Variants in FAM131B observed in about 807,000 individuals in gnomAD.
FAM131B encodes the protein protein FAM131B.
FAM131B carries 19 observed loss-of-function variants against 42.0 expected under a neutral mutation model. That is an observed-to-expected ratio of 0.45 (90% CI 0.32 to 0.66). FAM131B has a LOEUF of 0.66. FAM131B is among the 30% of genes least tolerant of loss of function. The probability of loss-of-function intolerance (pLI) is 0.05; values close to 1 mark genes in which losing one functional copy is unlikely to be tolerated. For missense variants in FAM131B, 370 were observed against 468.4 expected (o/e 0.79, Z 1.94); for synonymous variants, 183 against 177.6 (o/e 1.03, Z -0.24).
the FAM131B span, among the ~76,000 whole-genome samples, chr7:143,368,951 CTA>C: frequency 6.6e-6 from 1 of 152,158 alleles, no homozygotes; most frequent in African/African-American, 2.4e-5. Context: ...CTCCAGTTGG[CTA>C]TGTCTTTATT....
the FAM131B span, among the ~76,000 whole-genome samples, chr7:143,376,165 G>A: frequency 0.14 from 21,460 of 152,138 alleles, 1,840 homozygotes; most frequent in East Asian, 0.28. Context: ...CTTCTGATCC[G>A]GTGGGATAAT....
At chr7:143,370,542 A>G in the FAM131B span, among the ~76,000 whole-genome samples, 23 of 152,340 alleles carry the variant, frequency 1.5e-4, no homozygotes, top group African/African-American at 5.5e-4. Flanking sequence ...GCAGTAAAGA[A>G]GCTGACTAAA....
upstream of FAM131B, among the ~76,000 whole-genome samples, chr7:143,365,173 C>A (rs1586546183): frequency 6.6e-6 from 1 of 152,140 alleles, no homozygotes; most frequent in Non-Finnish European, 1.5e-5. Flanking sequence ...AATGTAAATT[C>A]CTAAAACCAC....
In FAM131B at chr7:143,356,294, A is replaced by T; in HGVS notation, c.*256T>A. ...GCACAGACCCAGAAGCCCACAGCCC[A>T]GGTCCTTCTCCACAGCCACACCAAG... On this transcript the variant is annotated 3_prime_UTR_variant, in exon 7 of 7. Coordinates refer to ENST00000443739, the MANE Select transcript of FAM131B (RefSeq NM_001031690.3). The surrounding 1 kb of genome is among the most constrained non-coding windows in gnomAD (Gnocchi z 4.4). The T allele has an allele frequency of 1.9e-6, 1 of 512,924 alleles. No individual in the cohort carries two copies. The highest frequency in any genetic ancestry group is 3.5e-6 in the Non-Finnish European group (1 of 286,162). The allele number at this position is 512,924 out of a possible 1,614,324, so 31.8% of individuals were successfully genotyped here.
chr7:143,382,090 T>C, the FAM131B span: 3 of 660,632 alleles, frequency 4.5e-6, no homozygotes, highest in Admixed American at 3.2e-5. Flanking sequence ...TTTCCTGACC[T>C]GGTACTCCCA....
At chr7:143,373,403 A>G in the FAM131B span, among the ~76,000 whole-genome samples, 3 of 152,208 alleles carry the variant, frequency 2.0e-5, no homozygotes, top group African/African-American at 7.2e-5. Context: ...ACCCAGGGCA[A>G]CAGATGACTA....
the FAM131B span, among the ~76,000 whole-genome samples, chr7:143,370,946 C>T: frequency 2.0e-5 from 3 of 152,136 alleles, no homozygotes; most frequent in Admixed American, 2.0e-4. Context: ...CATTTCTAAC[C>T]TTAAGTGGCA....
upstream of FAM131B, chr7:143,362,900 G>T (rs565052429): frequency 6.6e-6 from 1 of 151,228 alleles, no homozygotes; most frequent in Non-Finnish European, 1.5e-5. The surrounding 1 kb of genome is among the most constrained non-coding windows in gnomAD (Gnocchi z 7.7). Context: ...GTGCCGGGGC[G>T]CTCCCTCGGG....
rs1485878718 is a variant in FAM131B at position 143,354,560 on chromosome 7, G to C, written c.*1990C>G. ...ACCCCAGAGCCTGCAGCAGGAGACG[G>C]GTGGGGAATAGCTGCCAGGGCGGGC... On this transcript the variant is annotated 3_prime_UTR_variant, in exon 7 of 7. Transcript: ENST00000443739. 10 of 152,310 alleles carry C rather than the reference G, an allele frequency of 6.6e-5. No homozygotes were observed. The highest frequency in any genetic ancestry group is 2.4e-4 in the African/African-American group (10 of 41,534). The allele number at this position is 152,310 out of a possible 1,614,324, so 9.4% of individuals were successfully genotyped here.
chr7:143,362,103 T>A lies in FAM131B; in HGVS notation c.28+473A>T. The A allele has an allele frequency of 1.0e-6, 1 of 955,798 alleles. No homozygotes were observed. The highest frequency in any genetic ancestry group is 1.2e-6 in the Non-Finnish European group (1 of 803,186). The allele number at this position is 955,798 out of a possible 1,614,324, so 59.2% of individuals were successfully genotyped here. On this transcript the variant is annotated intron_variant, in intron 1 of 6. Coordinates refer to ENST00000443739, the MANE Select transcript of FAM131B (RefSeq NM_001031690.3). This position sits in a 1 kb window ranked among gnomAD's most constrained non-coding sequence, Gnocchi z 7.7. Reference sequence around the variant, plus strand: ...GATGGGGCAAAGCACCCGAGCCAGATGGAGGCGGCGGCGGGGGGTGGCGTG... The same window carrying A: ...GATGGGGCAAAGCACCCGAGCCAGAAGGAGGCGGCGGCGGGGGGTGGCGTG...
the FAM131B span, chr7:143,381,696 G>T: frequency 6.2e-7 from 1 of 1,606,508 alleles, no homozygotes; most frequent in Non-Finnish European, 8.5e-7. Context: ...TTCCGGCCCG[G>T]GGACAGCGAG....
At chr7:143,360,471 T>C (rs1803908841) in intron 1 of FAM131B, 4 of 1,121,872 alleles carry the variant, frequency 3.6e-6, no homozygotes, top group Non-Finnish European at 4.5e-6. Flanking sequence ...GTATGGGAGC[T>C]GGGCTTTTTC....
rs376054232 is a variant in FAM131B at position 143,359,366 on chromosome 7, G to A, written c.228C>T (p.Asn76=). 9.3e-6 allele frequency: 15 copies of A among 1,613,686 alleles called. No individual in the cohort carries two copies. Among genetic ancestry groups the A allele is most frequent in the African/African-American group, 8.0e-5 (6 of 74,912 alleles). The part of the protein sequence containing the change: ...SILPKLKRNS[N]AYGIGALAKS... ...TGGCCAGGGCCCCAATGCCATAGGC[G>A]TTAGAGTTTCGCTTAAGCTTCGGAA... The change falls in exon 4 of 7, where the codon AAC becomes AAT. Residue 76 remains asparagine, a synonymous_variant. Transcript: ENST00000443739. The surrounding 1 kb of genome is among the most constrained non-coding windows in gnomAD (Gnocchi z 5.4).
upstream of FAM131B, among the ~76,000 whole-genome samples, chr7:143,364,806 G>A (rs1402726011): frequency 6.6e-6 from 1 of 152,198 alleles, no homozygotes; most frequent in East Asian, 1.9e-4. Flanking sequence ...GAGGTCCAGG[G>A]CACAAAAAAA....
In FAM131B at chr7:143,356,988, A is replaced by T. The variant is rs1803691060; in HGVS notation, c.645T>A (p.Pro215=). 1 of 1,613,770 alleles carries T rather than the reference A, an allele frequency of 6.2e-7. No individual in the cohort carries two copies. Among genetic ancestry groups the T allele is most frequent in the Non-Finnish European group, 8.5e-7 (1 of 1,179,964 alleles). ...ACATACCCTGGGACACGTAAGAGTGAGGCCATCCATCCATGGGTGCTTGAG... is the reference window on the plus strand; with the variant it reads ...ACATACCCTGGGACACGTAAGAGTGTGGCCATCCATCCATGGGTGCTTGAG... ...ALAQAPMDGW[P]HSYVSQGMYC... is the part of the protein sequence containing the mutation. The change falls in exon 7 of 7, where the codon CCT becomes CCA. Residue 215 remains proline, a synonymous_variant. Transcript: ENST00000443739. This position sits in a 1 kb window ranked among gnomAD's most constrained non-coding sequence, Gnocchi z 4.4.
upstream of FAM131B, among the ~76,000 whole-genome samples, chr7:143,365,433 T>C (rs1804159456): frequency 1.3e-5 from 2 of 152,180 alleles, no homozygotes. Context: ...AATATCAATA[T>C]ACAATTGATT....
At chr7:143,371,960 A>C in the FAM131B span, among the ~76,000 whole-genome samples, 7,091 of 152,264 alleles carry the variant, frequency 0.047, 250 homozygotes, top group Non-Finnish European at 0.075. Flanking sequence ...AGAGCCTAGG[A>C]AAGGTTTTTT....
rs1586537693 is a variant in FAM131B at position 143,359,911 on chromosome 7, G to A, written c.138+129C>T. On this transcript the variant is annotated intron_variant, in intron 2 of 6. Transcript: ENST00000443739. This position sits in a 1 kb window ranked among gnomAD's most constrained non-coding sequence, Gnocchi z 5.4. Reference sequence around the variant, plus strand: ...ATGCCGCTAACTGGGTTCTCCATGTGGACTGCTTGGCATGTGTTGTGAGAA... The same window carrying A: ...ATGCCGCTAACTGGGTTCTCCATGTAGACTGCTTGGCATGTGTTGTGAGAA... 5 of 986,842 alleles carry A rather than the reference G, an allele frequency of 5.1e-6. No homozygotes were observed. Among genetic ancestry groups the A allele is most frequent in the Non-Finnish European group, 1.6e-6 (1 of 637,830 alleles). 61.1% of individuals were successfully genotyped at this position (986,842 alleles called of 1,614,324 possible).
the FAM131B span, among the ~76,000 whole-genome samples, chr7:143,372,982 T>TAATA: frequency 1.9e-4 from 29 of 151,776 alleles, no homozygotes; most frequent in Admixed American, 8.5e-4. Flanking sequence ...AAAATAATAA[T>TAATA]AATAAATAAA....
Sources: allele counts gnomAD v4.1 joint callset (sites outside exome capture counted in the v4.1 genomes callset), GRCh38; gene constraint gnomAD v4.1.1; non-coding constraint Gnocchi (gnomAD v3.1); transcripts MANE v1.5; gene names NCBI Gene and HGNC (gene_info 2026-07-23, HGNC 2026-07-21).